Variants in RIPK1 observed in about 807,000 individuals in gnomAD.
The protein encoded by RIPK1 is receptor-interacting serine/threonine-protein kinase 1.
A neutral mutation model predicts 62.4 loss-of-function variants in RIPK1; 27 were observed. The ratio of observed to expected loss-of-function variants is 0.43; its 90% CI spans 0.32 to 0.60. The LOEUF is 0.60. RIPK1 is among the 20% of genes least tolerant of loss of function. The probability of loss-of-function intolerance (pLI) is 0.07; values close to 1 mark genes in which losing one functional copy is unlikely to be tolerated. For synonymous variants in RIPK1, 287 were observed against 303.2 expected (o/e 0.95, Z 0.55); for missense variants, 735 against 831.0 (o/e 0.88, Z 1.42).
intron 6 of RIPK1, among the ~76,000 whole-genome samples, chr6:3,085,991 G>C (rs17513081): frequency 6.6e-6 from 1 of 152,188 alleles, no homozygotes. Flanking sequence ...CCATTCGTCC[G>C]TCTATGGGCA....
At chr6:3,084,013 C>T (rs1309679553) in intron 5 of RIPK1, among the ~76,000 whole-genome samples, 1 of 152,148 alleles carries the variant, frequency 6.6e-6, no homozygotes, top group African/African-American at 2.4e-5. Flanking sequence ...TAAGAAACTT[C>T]AGAGTCATCC....
chr6:3,107,489 C>T (rs1159791004), intron 9 of RIPK1, among the ~76,000 whole-genome samples: 2 of 145,160 alleles, frequency 1.4e-5, no homozygotes, highest in Admixed American at 7.1e-5. Context: ...CACTTGAACC[C>T]GGGAGGCAGA....
At chr6:3,104,414 G>T (rs897108393) in intron 8 of RIPK1, 99 bp downstream of exon 8, 26 of 651,024 alleles carry the variant, frequency 4.0e-5, no homozygotes, top group Non-Finnish European at 6.9e-5. Context: ...GGAAACAGAA[G>T]AAACTATAAA....
At chr6:3,065,894 A>C (rs1229682012), upstream of RIPK1, among the ~76,000 whole-genome samples, 1 of 152,142 alleles carries the variant, frequency 6.6e-6, no homozygotes, top group Non-Finnish European at 1.5e-5. Flanking sequence ...TCTGAGTTAA[A>C]ACACTGAACA....
chr6:3,087,255 T>C (rs1322648711), intron 6 of RIPK1, among the ~76,000 whole-genome samples: 1 of 152,180 alleles, frequency 6.6e-6, no homozygotes, highest in African/African-American at 2.4e-5. Flanking sequence ...AATCTGTAGG[T>C]TTATGCCTCT....
chr6:3,074,789 C>T (rs1025102995), intron 1 of RIPK1, among the ~76,000 whole-genome samples: 1 of 152,134 alleles, frequency 6.6e-6, no homozygotes, highest in African/African-American at 2.4e-5. Flanking sequence ...TTAAGCAATT[C>T]TCCTGCCTCA....
chr6:3,105,887 C>T lies in RIPK1; in HGVS notation c.1412C>T (p.Ser471Leu). Residue 471 changes from serine (S) to leucine (L), a missense_variant, in exon 9 of 11, where the codon TCA becomes TTA. Coordinates refer to ENST00000259808, the MANE Select transcript of RIPK1 (RefSeq NM_001354930.2). This position sits in a 1 kb window ranked among gnomAD's most constrained non-coding sequence, Gnocchi z 4.5. ...VLYQNNGLYS[S>L]HGFGTRPLDP... ...TATCAGAACAATGGATTATATAGCT[C>T]ACATGGCTTTGGAACAAGACCACTG... 6.2e-7 allele frequency: 1 copy of T among 1,614,142 alleles called. No homozygotes were observed. The highest frequency in any genetic ancestry group is 8.5e-7 in the Non-Finnish European group (1 of 1,180,026).
intron 7 of RIPK1, among the ~76,000 whole-genome samples, chr6:3,102,754 C>T (rs1471517619): frequency 6.6e-6 from 1 of 152,114 alleles, no homozygotes; most frequent in Non-Finnish European, 1.5e-5. Context: ...GCATACACCA[C>T]CACGCCCGGC....
chr6:3,112,987 A>G (rs1761241047), intron 10 of RIPK1, 66 bp from the exon 11 acceptor site: 1 of 1,397,922 alleles, frequency 7.2e-7, no homozygotes, highest in Non-Finnish European at 9.6e-7. Context: ...TTTTTTAGCA[A>G]TTCAGGAAGC....
chr6:3,098,995 G>C (rs1221727027), intron 7 of RIPK1, among the ~76,000 whole-genome samples: 1 of 152,216 alleles, frequency 6.6e-6, no homozygotes, highest in Non-Finnish European at 1.5e-5. Flanking sequence ...GCTGCAGGCT[G>C]TTTGTTCACT....
chr6:3,071,219 G>A (rs1456921717), intron 1 of RIPK1, among the ~76,000 whole-genome samples: 2 of 152,210 alleles, frequency 1.3e-5, no homozygotes, highest in East Asian at 1.9e-4. Context: ...GCAATGGCAG[G>A]TGGGCAACCA....
At position 3,105,483 on chromosome 6, in the gene RIPK1, C is replaced by T; in HGVS notation, c.1008C>T (p.Ala336=). The part of the protein sequence containing the change: ...VAVPSSRSNS[A]TEQPGSLHSS... ...CTAATGTTGATCATTTCTTCTCAGCCACAGAACAGCCTGGTTCACTGCACA... is the reference window on the plus strand; with the variant it reads ...CTAATGTTGATCATTTCTTCTCAGCTACAGAACAGCCTGGTTCACTGCACA... The change falls in exon 9 of 11, where the codon GCC becomes GCT. Residue 336 remains alanine, a splice_region_variant and synonymous_variant. Transcript: ENST00000259808. The surrounding 1 kb of genome is among the most constrained non-coding windows in gnomAD (Gnocchi z 4.5). 6.5e-7 allele frequency: 1 copy of T among 1,528,466 alleles called. No individual in the cohort carries two copies. The highest frequency in any genetic ancestry group is 8.8e-7 in the Non-Finnish European group (1 of 1,140,278). The allele number at this position is 1,528,466 out of a possible 1,614,324, so 94.7% of individuals were successfully genotyped here.
chr6:3,068,595 C>T lies in RIPK1; in HGVS notation c.-127C>T, dbSNP rs1357231760. On this transcript the variant is annotated 5_prime_UTR_variant, in exon 1 of 11. Transcript: ENST00000259808. The stretch of plus-strand genomic sequence containing the variant: ...CACAGCTGGGGCGCCAGAGCGCGGC[C>T]ATCCGGGCGGGGCCGACGGAGCGCG... 4 of 985,202 alleles carry T rather than the reference C, an allele frequency of 4.1e-6. No individual in the cohort carries two copies. In the African/African-American group the frequency reaches 7.0e-5, roughly 17 times the overall value. 61.0% of individuals were successfully genotyped at this position (985,202 alleles called of 1,614,324 possible). A position where few individuals can be genotyped will look rare whatever the true frequency, so the allele number is the denominator to read the frequency against.
chr6:3,102,561 T>G (rs1760633695), intron 7 of RIPK1, among the ~76,000 whole-genome samples: 1 of 152,160 alleles, frequency 6.6e-6, no homozygotes, highest in African/African-American at 2.4e-5. Flanking sequence ...GGTATATATA[T>G]CCGGGTGTGG....
upstream of RIPK1, among the ~76,000 whole-genome samples, chr6:3,067,337 C>CT (rs1402084008): frequency 5.3e-5 from 8 of 152,252 alleles, no homozygotes; most frequent in African/African-American, 1.9e-4. Flanking sequence ...CTTCCAGACT[C>CT]TAACATTAGG....
At chr6:3,065,060 G>T (rs1581362960), upstream of RIPK1, among the ~76,000 whole-genome samples, 1 of 151,774 alleles carries the variant, frequency 6.6e-6, no homozygotes, top group East Asian at 1.9e-4. Flanking sequence ...GGCTAACACT[G>T]TGAAACCCCG....
chr6:3,094,303 CAAATA>C (rs971680695), intron 7 of RIPK1, among the ~76,000 whole-genome samples: 1 of 152,098 alleles, frequency 6.6e-6, no homozygotes, highest in Non-Finnish European at 1.5e-5. Flanking sequence ...GCTGGGAAAT[CAAATA>C]AGTCTCAATT....
At chr6:3,080,884 C>T in intron 3 of RIPK1, 95 bp from the exon 4 acceptor site, 1 of 1,237,350 alleles carries the variant, frequency 8.1e-7, no homozygotes, top group Non-Finnish European at 1.1e-6. Flanking sequence ...GTAACCTTCT[C>T]CTCAGGCTCA....
Position 3,072,437 on chromosome 6 carries a change from A to G in RIPK1, c.-61+3776A>G, listed in dbSNP as rs1238689776. ...ACACAAATGTGAATATAATTTTTAC[A>G]GATTTATTCGTCAAAAACAATTTTG... On this transcript the variant is annotated intron_variant, in intron 1 of 10. Coordinates refer to ENST00000259808, the MANE Select transcript of RIPK1 (RefSeq NM_001354930.2). This position sits in a 1 kb window ranked among gnomAD's most constrained non-coding sequence, Gnocchi z 5.6. Among the ~76,000 whole-genome samples the G allele has an allele frequency of 1.3e-5, 2 of 152,100 alleles. No homozygotes were observed. Among genetic ancestry groups the G allele is most frequent in the African/African-American group, 2.4e-5 (1 of 41,386 alleles).
Sources: gnomAD v4.1 joint callset for allele counts (sites outside exome capture counted in the v4.1 genomes callset) on GRCh38, gnomAD v4.1.1 for gene constraint, Gnocchi (gnomAD v3.1) non-coding constraint, MANE v1.5 for transcripts, NCBI Gene and HGNC (gene_info 2026-07-23, HGNC 2026-07-21) for gene names.